FNTB: variants seen among roughly 807,000 people sequenced by gnomAD.
FNTB encodes farnesyltransferase, CAAX box, subunit beta.
Under a neutral mutation model 59.4 loss-of-function variants are expected in FNTB, and 27 were observed. That is an observed-to-expected ratio of 0.45 (90% CI 0.34 to 0.63). The LOEUF is 0.63. Among genes scored for constraint, FNTB ranks in the 20% least tolerant of loss-of-function variants. The pLI, the probability that FNTB is intolerant of heterozygous loss-of-function variation, is 0.02. For synonymous variants in FNTB, 230 were observed against 220.7 expected (o/e 1.04, Z -0.37); for missense variants, 449 against 559.6 (o/e 0.80, Z 1.99).
At chr14:65,003,532 C>T (rs2061541910) in intron 1 of FNTB, 1 of 152,100 alleles carries the variant, frequency 6.6e-6, no homozygotes, top group African/African-American at 2.4e-5. Flanking sequence ...ATGTATGCTT[C>T]ATGTATACAT....
chr14:65,010,294 T>C (rs989034031), intron 2 of FNTB, among the ~76,000 whole-genome samples: 1 of 152,220 alleles, frequency 6.6e-6, no homozygotes, highest in Non-Finnish European at 1.5e-5. Context: ...GTTTCCAAAC[T>C]TCTCTCTCTG....
intron 2 of FNTB, chr14:65,006,084 A>G: frequency 6.6e-7 from 1 of 1,524,970 alleles, no homozygotes. Flanking sequence ...AAATCCTAGC[A>G]AGTCAGTCTC....
intron 2 of FNTB, among the ~76,000 whole-genome samples, chr14:65,006,933 A>G (rs1054955192): frequency 4.6e-5 from 7 of 152,138 alleles, no homozygotes; most frequent in African/African-American, 1.7e-4. Flanking sequence ...TGGTAGGTCA[A>G]GTATGGGTGG....
chr14:65,052,139 T>G (rs557901114), intron 9 of FNTB, among the ~76,000 whole-genome samples: 6 of 152,300 alleles, frequency 3.9e-5, no homozygotes, highest in African/African-American at 1.4e-4. Context: ...GATTTTTAGC[T>G]CAGTTCTTTT....
intron 1 of FNTB, among the ~76,000 whole-genome samples, chr14:64,988,054 T>A (rs926977203): frequency 6.6e-6 from 1 of 152,356 alleles, no homozygotes; most frequent in South Asian, 2.1e-4. Context: ...TTTCCTACTT[T>A]AAGTTGGAAG....
rs959831204 is a variant in FNTB at position 65,014,013 on chromosome 14, C to G, written c.283-1612C>G. Among the ~76,000 whole-genome samples, 2 of 152,234 alleles carry G rather than the reference C, an allele frequency of 1.3e-5. No homozygotes were observed. Among genetic ancestry groups the G allele is most frequent in the Admixed American group, 6.5e-5 (1 of 15,290 alleles). Reference sequence around the variant, plus strand: ...TAAGCTGCATCCCTGGCAGTGTCTTCAGTAGCTCACCAGCCTACCTTCCAG... The same window carrying G: ...TAAGCTGCATCCCTGGCAGTGTCTTGAGTAGCTCACCAGCCTACCTTCCAG... On this transcript the variant is annotated intron_variant, in intron 3 of 11. Transcript: ENST00000246166. The surrounding 1 kb of genome is among the most constrained non-coding windows in gnomAD (Gnocchi z 5.1).
intron 11 of FNTB, among the ~76,000 whole-genome samples, chr14:65,058,035 A>G (rs1383299257): frequency 6.6e-6 from 1 of 151,942 alleles, no homozygotes; most frequent in Non-Finnish European, 1.5e-5. Flanking sequence ...TGTGAATTGT[A>G]GGATCAGCCT....
chr14:65,006,045 C>T, intron 2 of FNTB: 1 of 1,293,952 alleles, frequency 7.7e-7, no homozygotes, highest in South Asian at 1.4e-5. Context: ...CATCATGTCT[C>T]TTGACTTCTT....
intron 3 of FNTB, among the ~76,000 whole-genome samples, chr14:65,013,620 A>T (rs921685236): frequency 6.6e-6 from 1 of 152,140 alleles, no homozygotes; most frequent in Admixed American, 6.5e-5. Context: ...CATGATCGTG[A>T]GTCACTGCAA....
chr14:65,048,602 C>G (rs1434049464), intron 9 of FNTB, among the ~76,000 whole-genome samples: 8 of 152,260 alleles, frequency 5.3e-5, no homozygotes, highest in African/African-American at 1.7e-4. Context: ...ACCATAATCC[C>G]AGCACTTTGG....
chr14:65,004,854 G>C (rs1420999207), intron 2 of FNTB, among the ~76,000 whole-genome samples: 2 of 152,026 alleles, frequency 1.3e-5, no homozygotes, highest in African/African-American at 2.4e-5. Context: ...GTAGAGACAG[G>C]GTTTCACCGT....
Position 65,053,711 on chromosome 14 carries a change from A to T in FNTB, c.1067+362A>T, listed in dbSNP as rs1190195685. 2.0e-5 allele frequency among the ~76,000 whole-genome samples: 3 copies of T among 152,216 alleles called. No individual in the cohort carries two copies. The East Asian group carries it at 5.8e-4, about 29-fold the overall frequency. On this transcript the variant is annotated intron_variant, in intron 10 of 11. Transcript: ENST00000246166. ...AGTGTTGTAAACAGAGACTGTAATC[A>T]TGACAACTATTATAGAGTGGATTAA...
At chr14:65,005,997 T>TGGG (rs576589081) in intron 2 of FNTB, among the ~76,000 whole-genome samples, 76 of 152,244 alleles carry the variant, frequency 5.0e-4, no homozygotes, top group African/African-American at 1.8e-3. Flanking sequence ...TCACTCTGGC[T>TGGG]GGGAAGTTGC....
chr14:64,993,951 G>A (rs576906228), intron 1 of FNTB, among the ~76,000 whole-genome samples: 1 of 152,130 alleles, frequency 6.6e-6, no homozygotes, highest in African/African-American at 2.4e-5. Flanking sequence ...CGCCTCCTGG[G>A]TTCAAGCGAT....
intron 1 of FNTB, among the ~76,000 whole-genome samples, chr14:64,993,751 G>C (rs1291113924): frequency 2.0e-5 from 3 of 152,200 alleles, no homozygotes; most frequent in Non-Finnish European, 4.4e-5. Flanking sequence ...TTAGATAGAA[G>C]CTGTGAAAGA....
rs140726272 is a variant in FNTB, at chr14:65,009,547, C to T, written c.210-2770C>T. Among the ~76,000 whole-genome samples, 364 of 152,230 alleles carry T rather than the reference C, an allele frequency of 2.4e-3. 2 individuals are homozygous for T. Among genetic ancestry groups the T allele is most frequent in the African/African-American group, 8.3e-3 (344 of 41,524 alleles). ...CGCTAGCTTCGTACCCATCATTTCT[C>T]GCTCAAAGAATGCAGCATCCTTCCT... On this transcript the variant is annotated intron_variant, in intron 2 of 11. Coordinates refer to ENST00000246166, the MANE Select transcript of FNTB (RefSeq NM_002028.4). The surrounding 1 kb of genome is among the most constrained non-coding windows in gnomAD (Gnocchi z 4.2).
chr14:65,042,489 G>T (rs2062375412), intron 8 of FNTB, among the ~76,000 whole-genome samples: 1 of 152,168 alleles, frequency 6.6e-6, no homozygotes, highest in African/African-American at 2.4e-5. Flanking sequence ...TGCTGCTGCT[G>T]ATCTGTCAGG....
chr14:65,024,820 T>C (rs1369887716), intron 4 of FNTB, among the ~76,000 whole-genome samples: 1 of 152,224 alleles, frequency 6.6e-6, no homozygotes, highest in Non-Finnish European at 1.5e-5. Flanking sequence ...GGTCTCACTG[T>C]GTTGCCCAGG....
In FNTB at chr14:64,994,833, C is replaced by T. The variant is rs1594984059; in HGVS notation, c.144+7736C>T. Among the ~76,000 whole-genome samples, 1 of 152,058 alleles carries T rather than the reference C, an allele frequency of 6.6e-6. No individual in the cohort carries two copies. Among genetic ancestry groups the T allele is most frequent in the African/African-American group, 2.4e-5 (1 of 41,400 alleles). On this transcript the variant is annotated intron_variant, in intron 1 of 11. Coordinates refer to ENST00000246166, the MANE Select transcript of FNTB (RefSeq NM_002028.4). This position sits in a 1 kb window ranked among gnomAD's most constrained non-coding sequence, Gnocchi z 4.2. ...ACATTATGAAAAATAAAAATAAACA[C>T]GGTATGCTTAAGCTACACTAAATTT...
Sources: allele counts gnomAD v4.1 joint callset (sites outside exome capture counted in the v4.1 genomes callset), GRCh38; gene constraint gnomAD v4.1.1; non-coding constraint Gnocchi (gnomAD v3.1); transcripts MANE v1.5; gene names NCBI Gene and HGNC (gene_info 2026-07-23, HGNC 2026-07-21).